GATB: variants seen among roughly 807,000 people sequenced by gnomAD.
GATB encodes glutamyl-tRNA amidotransferase subunit B.
A neutral mutation model predicts 62.3 loss-of-function variants in GATB; 39 were observed. That is an observed-to-expected ratio of 0.63 (90% CI 0.48 to 0.82). The LOEUF is 0.82. Ranked by LOEUF, GATB falls within the 40% of genes least tolerant of loss-of-function variation. The pLI, the probability that GATB is intolerant of heterozygous loss-of-function variation, is 0.00. For synonymous variants in GATB, 276 were observed against 258.9 expected, an observed-to-expected ratio of 1.07 and a Z score of -0.63; for missense variants, 670 against 684.0, an observed-to-expected ratio of 0.98 and a Z score of 0.23.
chr4:151,717,207 G>A lies in GATB; in HGVS notation c.442-133C>T, dbSNP rs530325226. 2.0e-4 allele frequency: 172 copies of A among 849,720 alleles called. No homozygotes were observed. The African/African-American group carries it at 2.7e-3, about 13-fold the overall frequency. 52.6% of individuals were successfully genotyped at this position (849,720 alleles called of 1,614,324 possible). A position where few individuals can be genotyped will look rare whatever the true frequency, so the allele number is the denominator to read the frequency against. ...AAAAACAACAAGAAAAAAAGGAAAAGGAGAAAAAAATTAGTTGCTGCATTG... is the reference window on the plus strand; with the variant it reads ...AAAAACAACAAGAAAAAAAGGAAAAAGAGAAAAAAATTAGTTGCTGCATTG... On this transcript the variant is annotated intron_variant, in intron 3 of 12. Coordinates refer to ENST00000263985, the MANE Select transcript of GATB (RefSeq NM_004564.3).
chr4:151,742,994 G>C (rs1346509568), intron 2 of GATB, among the ~76,000 whole-genome samples: 2 of 152,172 alleles, frequency 1.3e-5, no homozygotes, highest in African/African-American at 2.4e-5. Context: ...CAAAAGGCTA[G>C]AGAAATTTAA....
intron 9 of GATB, among the ~76,000 whole-genome samples, chr4:151,696,839 T>G (rs1738480679): frequency 6.6e-6 from 1 of 152,254 alleles, no homozygotes; most frequent in Non-Finnish European, 1.5e-5. Context: ...AAAATGCACA[T>G]GCATATAATT....
chr4:151,755,617 A>C (rs1478685079), intron 2 of GATB, among the ~76,000 whole-genome samples: 6 of 152,234 alleles, frequency 3.9e-5, no homozygotes, highest in African/African-American at 1.4e-4. Flanking sequence ...AAGGACAAAC[A>C]AATATTCTCC....
intron 2 of GATB, among the ~76,000 whole-genome samples, chr4:151,725,415 C>G (rs1224306691): frequency 1.3e-5 from 2 of 152,228 alleles, no homozygotes; most frequent in Admixed American, 1.3e-4. Context: ...ACATACAGTT[C>G]TATGTTCATT....
Position 151,719,509 on chromosome 4 carries a change from C to CG in GATB, c.356dup (p.Val120GlyfsTer18). On this transcript the variant is annotated frameshift_variant, in exon 3 of 13. Transcript: ENST00000263985. LOFTEE classifies it high-confidence loss of function. Reference sequence around the variant, plus strand: ...AGTTCAGAGCCAGGCCTGTCATCACCGCCGCTTCTACACACCTCCTGTTGA... The same window carrying CG: ...AGTTCAGAGCCAGGCCTGTCATCACCGGCCGCTTCTACACACCTCCTGTTGA... 6.2e-7 allele frequency: 1 copy of CG among 1,609,812 alleles called. No individual in the cohort carries two copies. Among genetic ancestry groups the CG allele is most frequent in the Non-Finnish European group, 8.5e-7 (1 of 1,178,032 alleles).
chr4:151,708,791 C>G (rs1157397375), intron 5 of GATB, among the ~76,000 whole-genome samples: 2 of 152,164 alleles, frequency 1.3e-5, no homozygotes, highest in Non-Finnish European at 2.9e-5. Context: ...GAGGTGCTGA[C>G]CCCATGCTGG....
chr4:151,708,150 T>A, intron 5 of GATB, 49 bp from the exon 6 acceptor site: 1 of 1,289,532 alleles, frequency 7.8e-7, no homozygotes, highest in East Asian at 2.3e-5. Flanking sequence ...TGAGGTGACA[T>A]AGTCTTTTAA....
chr4:151,722,587 A>T (rs1332783086), intron 2 of GATB: 2 of 194,254 alleles, frequency 1.0e-5, no homozygotes, highest in Non-Finnish European at 2.1e-5. Context: ...ATTCCCTTCA[A>T]AATCCTAGTG....
At chr4:151,697,947 GTGTGTGTATATATA>G (rs1560847629) in intron 9 of GATB, among the ~76,000 whole-genome samples, 3 of 73,490 alleles carry the variant, frequency 4.1e-5, no homozygotes, top group African/African-American at 9.5e-5. Flanking sequence ...ATGTGTGTGT[GTGTGTGTATATATA>G]TATATATATA....
chr4:151,688,358 G>A (rs553467975), intron 10 of GATB, among the ~76,000 whole-genome samples: 2 of 152,316 alleles, frequency 1.3e-5, no homozygotes, highest in East Asian at 3.9e-4. Flanking sequence ...TCCTCCACAA[G>A]TTTGTAAATG....
intron 2 of GATB, chr4:151,721,456 G>T (rs1263807217): frequency 6.6e-6 from 1 of 152,170 alleles, no homozygotes; most frequent in African/African-American, 2.4e-5. Context: ...AATTATTGAT[G>T]TTTTCACTTG....
At chr4:151,744,529 T>A (rs780461783) in intron 2 of GATB, among the ~76,000 whole-genome samples, 1 of 152,100 alleles carries the variant, frequency 6.6e-6, no homozygotes, top group Non-Finnish European at 1.5e-5. Flanking sequence ...GCAGGAGGAC[T>A]CCTTGAACCC....
intron 10 of GATB, among the ~76,000 whole-genome samples, chr4:151,682,599 AT>A (rs1188769662): frequency 6.6e-6 from 1 of 151,792 alleles, no homozygotes; most frequent in Non-Finnish European, 1.5e-5. Context: ...AAGCTCCAAA[AT>A]TTGTCCAGTC....
rs560187483 is a variant in GATB, at chr4:151,698,878, T to G, written c.1197+2451A>C. Among the ~76,000 whole-genome samples, 14 of 152,146 alleles carry G rather than the reference T, an allele frequency of 9.2e-5. No individual in the cohort carries two copies. The East Asian group carries it at 2.7e-3, about 29-fold the overall frequency. ...TCAAAAATGGCCAAAAAATTCACCCTTCTTTTTTTTTTTCCAATCAAGTTA... is the reference window on the plus strand; with the variant it reads ...TCAAAAATGGCCAAAAAATTCACCCGTCTTTTTTTTTTTCCAATCAAGTTA... On this transcript the variant is annotated intron_variant, in intron 9 of 12. Transcript: ENST00000263985.
intron 7 of GATB, among the ~76,000 whole-genome samples, chr4:151,704,531 G>A (rs767854204): frequency 1.4e-4 from 22 of 151,788 alleles, no homozygotes; most frequent in Non-Finnish European, 2.8e-4. Context: ...TCGGCTCACT[G>A]CAAGCTCCGC....
intron 10 of GATB, among the ~76,000 whole-genome samples, chr4:151,683,896 A>C (rs1015897858): frequency 6.6e-6 from 1 of 152,224 alleles, no homozygotes; most frequent in Non-Finnish European, 1.5e-5. Context: ...ATCAGAGTGC[A>C]AATTATCATG....
At chr4:151,696,463 G>A (rs1050855812) in intron 9 of GATB, among the ~76,000 whole-genome samples, 1 of 152,330 alleles carries the variant, frequency 6.6e-6, no homozygotes, top group South Asian at 2.1e-4. Flanking sequence ...CACTATTTCT[G>A]TTTGACATTA....
At chr4:151,715,780 T>G (rs1738899915) in intron 5 of GATB, among the ~76,000 whole-genome samples, 1 of 152,204 alleles carries the variant, frequency 6.6e-6, no homozygotes, top group South Asian at 2.1e-4. Flanking sequence ...TGCAATGTTG[T>G]TGGTCGTATA....
At chr4:151,702,985 G>A (rs926361677) in intron 8 of GATB, among the ~76,000 whole-genome samples, 7 of 152,134 alleles carry the variant, frequency 4.6e-5, no homozygotes, top group Admixed American at 3.3e-4. Flanking sequence ...AGCCACGGGC[G>A]GATGGAAAGC....
Sources: gnomAD v4.1 joint callset for allele counts (sites outside exome capture counted in the v4.1 genomes callset) on GRCh38, gnomAD v4.1.1 for gene constraint, MANE v1.5 for transcripts, NCBI Gene and HGNC (gene_info 2026-07-23, HGNC 2026-07-21) for gene names.